PCDHA8: variants seen among roughly 807,000 people sequenced by gnomAD.
PCDHA8 encodes protocadherin alpha-8.
In PCDHA8, 53 loss-of-function variants were observed where a neutral mutation model predicts 61.8. That is an observed-to-expected ratio of 0.86 (90% confidence interval 0.69 to 1.08). The LOEUF (loss-of-function observed/expected upper bound fraction) is 1.08. Among genes scored for constraint, PCDHA8 ranks in the 50% least tolerant of loss-of-function variants. The probability of loss-of-function intolerance (pLI) is 0.00; values close to 1 mark genes in which losing one functional copy is unlikely to be tolerated. For missense variants in PCDHA8, 1,293 were observed against 1,245.0 expected (o/e 1.04, Z -0.58); for synonymous variants, 618 against 556.6 (o/e 1.11, Z -1.55).
At chr5:140,927,657 T>A (rs1161396429) in intron 1 of PCDHA8, 6 of 1,614,050 alleles carry the variant, frequency 3.7e-6, no homozygotes, top group Non-Finnish European at 5.1e-6. Flanking sequence ...TATTCCGAGT[T>A]CAAGCCTTGG....
intron 1 of PCDHA8, among the ~76,000 whole-genome samples, chr5:140,885,818 G>C (rs2060726718): frequency 6.6e-6 from 1 of 151,914 alleles, no homozygotes; most frequent in African/African-American, 2.4e-5. Flanking sequence ...ATTTGTATTT[G>C]ATCTTCTTTG....
intron 1 of PCDHA8, 37 bp downstream of exon 1, chr5:140,843,752 T>C: frequency 6.6e-7 from 1 of 1,516,544 alleles, no homozygotes; most frequent in South Asian, 1.2e-5. Context: ...TAAATTCTAT[T>C]TGTGGAAATT....
intron 1 of PCDHA8, chr5:140,870,674 A>G (rs893862947): frequency 7.4e-6 from 12 of 1,612,566 alleles, no homozygotes; most frequent in Admixed American, 6.7e-5. Flanking sequence ...CCGTTGGACC[A>G]CGAGGAGCTG....
chr5:140,877,527 C>A (rs1554169810), intron 1 of PCDHA8: 1 of 1,613,642 alleles, frequency 6.2e-7, no homozygotes, highest in East Asian at 2.2e-5. Flanking sequence ...CCTCAGTGGG[C>A]GCTGTGGATC....
intron 1 of PCDHA8, chr5:140,966,863 C>G: frequency 6.4e-7 from 1 of 1,562,680 alleles, no homozygotes; most frequent in Non-Finnish European, 8.6e-7. Flanking sequence ...GCTGCTGTTG[C>G]TGCTGCTGCT....
Position 140,841,733 on chromosome 5 carries a change from CA to C in PCDHA8, c.416del (p.Lys139SerfsTer16). The C allele has an allele frequency of 6.2e-7, 1 of 1,613,850 alleles. No individual in the cohort carries two copies. Among genetic ancestry groups the C allele is most frequent in the Non-Finnish European group, 8.5e-7 (1 of 1,179,866 alleles). On this transcript the variant is annotated frameshift_variant, in exon 1 of 4. Coordinates refer to ENST00000531613, the MANE Select transcript of PCDHA8 (RefSeq NM_018911.3). LOFTEE classifies it high-confidence loss of function. ...CCCGCCAGTGTTCCGGGTAAAAGACCAAAAGCTGTTTGTTTCAGAATCCAGA... is the reference window on the plus strand; with the variant it reads ...CCCGCCAGTGTTCCGGGTAAAAGACCAAAGCTGTTTGTTTCAGAATCCAGA... ...DNPPVFRVKD[Q>X]KLFVSESRMP...
chr5:140,881,724 A>C (rs1165848100), intron 1 of PCDHA8, among the ~76,000 whole-genome samples: 1 of 152,194 alleles, frequency 6.6e-6, no homozygotes, highest in Admixed American at 6.5e-5. Flanking sequence ...GAGGTCTTGA[A>C]AAATATTACA....
intron 1 of PCDHA8, chr5:140,884,567 A>T (rs1562807924): frequency 6.2e-7 from 1 of 1,614,120 alleles, no homozygotes; most frequent in Non-Finnish European, 8.5e-7. Context: ...CCCGCATAAG[A>T]CGGACCTCAT....
chr5:140,926,106 G>A (rs952874240), intron 1 of PCDHA8, among the ~76,000 whole-genome samples: 9 of 152,176 alleles, frequency 5.9e-5, no homozygotes, highest in African/African-American at 2.2e-4. Flanking sequence ...GGATACAAGA[G>A]GGTGCAGGAC....
chr5:140,869,604 AT>A, intron 1 of PCDHA8: 1 of 1,614,062 alleles, frequency 6.2e-7, no homozygotes, highest in Admixed American at 1.7e-5. Context: ...AGAATGCTCT[AT>A]TGACCTACAG....
chr5:141,002,598 C>T (rs2098087385), intron 3 of PCDHA8, among the ~76,000 whole-genome samples: 1 of 152,212 alleles, frequency 6.6e-6, no homozygotes, highest in Admixed American at 6.5e-5. Flanking sequence ...GTCCCCTCAT[C>T]TATAAAACAG....
chr5:140,851,090 A>G lies in PCDHA8; in HGVS notation c.2394+7375A>G. 3.9e-6 allele frequency: 5 copies of G among 1,295,740 alleles called. 1 individual carries two copies. Among genetic ancestry groups the G allele is most frequent in the African/African-American group, 1.5e-5 (1 of 65,588 alleles). The allele number at this position is 1,295,740 out of a possible 1,614,324, so 80.3% of individuals were successfully genotyped here. ...GAGAATTATAAACTGTATATTAAAT[A>G]GATATTTTTTGGGTGCTGAATCAAT... is the stretch of plus-strand genomic sequence containing the variant. On this transcript the variant is annotated intron_variant, in intron 1 of 3. Coordinates refer to ENST00000531613, the MANE Select transcript of PCDHA8 (RefSeq NM_018911.3).
intron 3 of PCDHA8, among the ~76,000 whole-genome samples, chr5:141,005,701 C>CAA (rs59860837): frequency 0.061 from 476 of 7,774 alleles, 114 homozygotes; most frequent in African/African-American, 0.16. Flanking sequence ...AACTCCGTCT[C>CAA]AAAAAAAAAA....
chr5:141,003,741 A>G (rs1291595687), intron 3 of PCDHA8, among the ~76,000 whole-genome samples: 5 of 152,180 alleles, frequency 3.3e-5, no homozygotes, highest in South Asian at 2.1e-4. Flanking sequence ...AAGCAAAACC[A>G]TATTTTGTAT....
intron 1 of PCDHA8, chr5:140,848,628 G>A (rs1324481449): frequency 6.3e-7 from 1 of 1,593,422 alleles, no homozygotes; most frequent in Non-Finnish European, 8.6e-7. Flanking sequence ...CGGCACCTTC[G>A]TGGGCCGCAT....
intron 1 of PCDHA8, among the ~76,000 whole-genome samples, chr5:140,945,198 C>T (rs1563212846): frequency 6.6e-6 from 1 of 151,982 alleles, no homozygotes; most frequent in Non-Finnish European, 1.5e-5. Flanking sequence ...ATGCTATTTA[C>T]AATAGCTATG....
At chr5:140,995,155 A>T (rs2097666869) in intron 3 of PCDHA8, among the ~76,000 whole-genome samples, 2 of 152,194 alleles carry the variant, frequency 1.3e-5, no homozygotes, top group Non-Finnish European at 2.9e-5. Flanking sequence ...CTTTATATAC[A>T]TTATGTTCTT....
chr5:140,966,970 G>C, intron 1 of PCDHA8: 1 of 1,602,870 alleles, frequency 6.2e-7, no homozygotes, highest in Non-Finnish European at 8.5e-7. Flanking sequence ...TGGGGCTTGA[G>C]CTGCGGCGCT....
In PCDHA8 at chr5:140,856,006, T is replaced by C. The variant is rs782149074; in HGVS notation, c.2394+12291T>C. ...AAAATGTCAGATCGTATGTGCGTTC[T>C]AGACCGCTGATTCGTCGATTTGTAA... is the stretch of plus-strand genomic sequence containing the variant. On this transcript the variant is annotated intron_variant, in intron 1 of 3. Coordinates refer to ENST00000531613, the MANE Select transcript of PCDHA8 (RefSeq NM_018911.3). The C allele has an allele frequency of 9.1e-6, 14 of 1,540,444 alleles. No individual in the cohort carries two copies. The African/African-American group carries it at 1.4e-4, about 15-fold the overall frequency.
Sources: gnomAD v4.1 joint callset for allele counts (sites outside exome capture counted in the v4.1 genomes callset) on GRCh38, gnomAD v4.1.1 for gene constraint, MANE v1.5 for transcripts, NCBI Gene and HGNC (gene_info 2026-07-23, HGNC 2026-07-21) for gene names.